The following ABCA13 variants were observed in gnomAD, a reference collection of about 807,000 sequenced individuals.
ABCA13 encodes the protein ATP-binding cassette sub-family A member 13.
ABCA13 carries 476 observed loss-of-function variants against 478.7 expected under a neutral mutation model. The observed-to-expected ratio is 0.99, with a 90% CI of 0.92 to 1.07. The LOEUF is 1.07. Ranked by LOEUF, ABCA13 falls within the 50% of genes least tolerant of loss-of-function variation. ABCA13 has a pLI of 0.00. For missense variants in ABCA13, 6,060 were observed against 5,910.6 expected (o/e 1.03, Z -0.83); for synonymous variants, 2,252 against 2,158.9 (o/e 1.04, Z -1.20).
intron 43 of ABCA13, among the ~76,000 whole-genome samples, chr7:48,455,502 C>A (rs13243674): frequency 0.16 from 24,179 of 152,208 alleles, 2,440 homozygotes; most frequent in East Asian, 0.23. Flanking sequence ...GCTGCCTGGT[C>A]TCCGAATCCT....
rs1584825097 is a variant in ABCA13 at position 48,320,509 on chromosome 7, A to G, written c.9999+3213A>G. ...TTGCAAAGAAATTGATGCTATTTCC[A>G]TGTCATTAGTCAAGAGATTCCAATG... is the stretch of plus-strand genomic sequence containing the variant. On this transcript the variant is annotated intron_variant, in intron 27 of 61. Transcript: ENST00000435803. Among the ~76,000 whole-genome samples the G allele has an allele frequency of 2.6e-5, 4 of 152,332 alleles. No individual in the cohort carries two copies. The South Asian group carries it at 6.2e-4, about 24-fold the overall frequency.
In ABCA13 at chr7:48,313,133, G is replaced by A. The variant is rs1165111589; in HGVS notation, c.9583G>A (p.Ala3195Thr). The change falls in exon 25 of 62, where the codon GCC becomes ACC. Residue 3195 changes from alanine to threonine, a missense_variant. Ala to Thr is a moderately conservative substitution (Grantham distance 58, BLOSUM62 0). Coordinates refer to ENST00000435803, the MANE Select transcript of ABCA13 (RefSeq NM_152701.5). ...GCTGGATATAGTTTCCAGCCTCAGC[G>A]CCTTGCTTGCCAAAGCCCAGCACGT... ...SLLDIVSSLS[A>T]LLAKAQHVFE... 8.7e-6 allele frequency: 14 copies of A among 1,612,882 alleles called. No homozygotes were observed. The highest frequency in any genetic ancestry group is 2.2e-5 in the East Asian group (1 of 44,852).
At chr7:48,629,575 C>CAA (rs11392411) in intron 59 of ABCA13, among the ~76,000 whole-genome samples, 16,465 of 66,758 alleles carry the variant, frequency 0.25, 2,290 homozygotes, top group Middle Eastern at 0.35. Flanking sequence ...TACATTTTGG[C>CAA]AAAAAAAAAA....
intron 48 of ABCA13, among the ~76,000 whole-genome samples, chr7:48,491,753 T>G (rs947984613): frequency 3.9e-5 from 6 of 152,226 alleles, no homozygotes; most frequent in African/African-American, 1.4e-4. Context: ...AGCAGGGTTC[T>G]GATGAAAATA....
chr7:48,448,682 A>T (rs965115162), intron 42 of ABCA13, among the ~76,000 whole-genome samples: 1 of 152,178 alleles, frequency 6.6e-6, no homozygotes, highest in African/African-American at 2.4e-5. Flanking sequence ...AAAAAGCAGT[A>T]TGGTTGTTAT....
At chr7:48,188,852 G>C (rs1796705241) in intron 1 of ABCA13, among the ~76,000 whole-genome samples, 1 of 152,178 alleles carries the variant, frequency 6.6e-6, no homozygotes, top group African/African-American at 2.4e-5. Context: ...GAGAGGAATG[G>C]TAGTGGAACA....
intron 27 of ABCA13, among the ~76,000 whole-genome samples, chr7:48,324,843 AG>A (rs765251848): frequency 5.3e-5 from 8 of 152,200 alleles, no homozygotes; most frequent in Non-Finnish European, 1.2e-4. Flanking sequence ...TTAACTACCT[AG>A]CACGGTACAA....
intron 48 of ABCA13, among the ~76,000 whole-genome samples, chr7:48,491,872 A>G (rs1328446011): frequency 6.6e-6 from 1 of 152,214 alleles, no homozygotes; most frequent in African/African-American, 2.4e-5. Context: ...GTGGAACTTC[A>G]GTAAATCCCA....
At chr7:48,406,969 A>G (rs1818348639) in intron 39 of ABCA13, among the ~76,000 whole-genome samples, 1 of 152,132 alleles carries the variant, frequency 6.6e-6, no homozygotes, top group African/African-American at 2.4e-5. Context: ...CTTAACAGCC[A>G]CTAAAAAGTC....
In ABCA13 at chr7:48,272,137, A is replaced by G; in HGVS notation, c.2471A>G (p.Glu824Gly). Residue 824 changes from glutamate to glycine, a missense_variant, in exon 17 of 62, where the codon GAA (glutamate) becomes GGA (glycine). This residue lies in a region of ABCA13 where 4,423 missense variants were observed against 4,309.1 expected (regional missense o/e 1.03). Transcript: ENST00000435803. Reference sequence around the variant, plus strand: ...CCAAAAAATCTTTTGAGATTCATAGAATTAATACTTTTTGAAATTAATCCC... The same window carrying G: ...CCAAAAAATCTTTTGAGATTCATAGGATTAATACTTTTTGAAATTAATCCC... ...KEPKNLLRFIELILFEINPKL... is the reference protein window; with the variant it reads ...KEPKNLLRFIGLILFEINPKL... 6.2e-7 allele frequency: 1 copy of G among 1,613,336 alleles called. No homozygotes were observed. Among genetic ancestry groups the G allele is most frequent in the East Asian group, 2.2e-5 (1 of 44,852 alleles).
At chr7:48,179,351 C>T (rs934354597) in intron 1 of ABCA13, among the ~76,000 whole-genome samples, 60 of 152,322 alleles carry the variant, frequency 3.9e-4, no homozygotes, top group African/African-American at 1.3e-3. Context: ...TTCAAGGAAA[C>T]CTTACCCGAG....
At chr7:48,352,604 A>T in intron 31 of ABCA13, 117 bp downstream of exon 31, 1 of 1,202,414 alleles carries the variant, frequency 8.3e-7, no homozygotes, top group Non-Finnish European at 1.1e-6. Context: ...AAAAAAGTTC[A>T]CCCCCCACTT....
rs1554436363 is a variant in ABCA13 at position 48,313,983 on chromosome 7, A to ATGTGTGTG, written c.9682-233_9682-226dup. 4.0e-4 allele frequency among the ~76,000 whole-genome samples: 31 copies of ATGTGTGTG among 78,190 alleles called. 2 individuals carry two copies. The highest frequency in any genetic ancestry group is 9.1e-4 in the African/African-American group (29 of 31,946). 51.3% of individuals were successfully genotyped at this position (78,190 alleles called of 152,430 possible). On this transcript the variant is annotated intron_variant, in intron 25 of 61. Coordinates refer to ENST00000435803, the MANE Select transcript of ABCA13 (RefSeq NM_152701.5). The stretch of plus-strand genomic sequence containing the variant: ...TGTAAGGACTTATGTGTGTGTGTGT[A>ATGTGTGTG]TGTGTGTGTGTGTGTGTGTGTGTAG...
intron 48 of ABCA13, among the ~76,000 whole-genome samples, chr7:48,501,686 C>T (rs115791139): frequency 1.7e-3 from 253 of 152,186 alleles, no homozygotes; most frequent in African/African-American, 5.9e-3. Flanking sequence ...TGCAAAAAAT[C>T]GGAAAAGGCA....
At chr7:48,255,429 C>T (rs11768619) in intron 15 of ABCA13, among the ~76,000 whole-genome samples, 2 of 151,806 alleles carry the variant, frequency 1.3e-5, no homozygotes, top group African/African-American at 4.8e-5. Flanking sequence ...ACATAGTATC[C>T]AATAGTTAGT....
At chr7:48,443,173 G>A (rs1357270334) in intron 42 of ABCA13, among the ~76,000 whole-genome samples, 1 of 152,156 alleles carries the variant, frequency 6.6e-6, no homozygotes, top group Non-Finnish European at 1.5e-5. Flanking sequence ...GCTCTTCTTG[G>A]TGCTGACAAC....
At chr7:48,209,098 C>A (rs1458634139) in intron 3 of ABCA13, among the ~76,000 whole-genome samples, 1 of 151,966 alleles carries the variant, frequency 6.6e-6, no homozygotes, top group Non-Finnish European at 1.5e-5. Context: ...TGTGATGTAT[C>A]ACATTGATTA....
intron 26 of ABCA13, among the ~76,000 whole-genome samples, chr7:48,316,745 G>T (rs1048812476): frequency 1.3e-5 from 2 of 152,178 alleles, no homozygotes; most frequent in African/African-American, 4.8e-5. Flanking sequence ...AATTGAAGGG[G>T]AGATGCCATG....
intron 38 of ABCA13, among the ~76,000 whole-genome samples, chr7:48,395,881 T>C (rs1816770040): frequency 6.6e-6 from 1 of 152,208 alleles, no homozygotes; most frequent in African/African-American, 2.4e-5. Context: ...GAGTTGAAAG[T>C]TATACACAGA....
Sources: allele counts gnomAD v4.1 joint callset (sites outside exome capture counted in the v4.1 genomes callset), GRCh38; gene constraint gnomAD v4.1.1; regional missense constraint gnomAD v4.1.1; transcripts MANE v1.5; gene names NCBI Gene and HGNC (gene_info 2026-07-23, HGNC 2026-07-21).